The following CALN1 variants were observed in gnomAD, a reference collection of about 807,000 sequenced individuals.
CALN1 encodes the protein calneuron 1, also known as calcium-binding protein 8.
In CALN1, 17 loss-of-function variants were observed where a neutral mutation model predicts 30.6. The observed-to-expected ratio is 0.56, with a 90% CI of 0.38 to 0.83. The LOEUF is 0.83. Ranked by LOEUF, CALN1 falls within the 40% of genes least tolerant of loss-of-function variation. The pLI is 0.00. For missense variants in CALN1, 291 were observed against 354.9 expected, an observed-to-expected ratio of 0.82 and a Z score of 1.45; for synonymous variants, 156 against 131.4, an observed-to-expected ratio of 1.19 and a Z score of -1.28.
intron 4 of CALN1, among the ~76,000 whole-genome samples, chr7:72,105,518 T>C (rs1219054803): frequency 6.6e-6 from 1 of 151,872 alleles, no homozygotes; most frequent in Non-Finnish European, 1.5e-5. Flanking sequence ...TCTGGAGCTC[T>C]GGACCAAGAC....
intron 3 of CALN1, among the ~76,000 whole-genome samples, chr7:72,156,198 C>G (rs1414621790): frequency 6.6e-6 from 1 of 152,110 alleles, no homozygotes; most frequent in Non-Finnish European, 1.5e-5. Flanking sequence ...CCATCAGGGT[C>G]CAGCAATGGA....
At chr7:71,844,056 G>A (rs1490369457) in intron 5 of CALN1, among the ~76,000 whole-genome samples, 1 of 152,162 alleles carries the variant, frequency 6.6e-6, no homozygotes, top group African/African-American at 2.4e-5. Context: ...GGACCCTGGA[G>A]TTGGGACAGT....
intron 5 of CALN1, among the ~76,000 whole-genome samples, chr7:71,988,318 A>G (rs987439125): frequency 1.3e-5 from 2 of 152,216 alleles, no homozygotes; most frequent in African/African-American, 4.8e-5. Flanking sequence ...ACTCAGAAGC[A>G]GCCAGTTGGC....
intron 3 of CALN1, among the ~76,000 whole-genome samples, chr7:72,196,353 A>T (rs1791000764): frequency 1.3e-5 from 2 of 152,176 alleles, no homozygotes; most frequent in African/African-American, 4.8e-5. Flanking sequence ...TCCTGAGCTC[A>T]AGCAACCCAC....
At chr7:72,008,478 A>T (rs866921574) in intron 5 of CALN1, among the ~76,000 whole-genome samples, 1 of 151,974 alleles carries the variant, frequency 6.6e-6, no homozygotes, top group African/African-American at 2.4e-5. Flanking sequence ...ATGATAATAA[A>T]TGATCAGAAC....
At chr7:72,319,085 A>G (rs540059919) in intron 2 of CALN1, among the ~76,000 whole-genome samples, 1 of 152,196 alleles carries the variant, frequency 6.6e-6, no homozygotes, top group Non-Finnish European at 1.5e-5. Flanking sequence ...CTGCACCCAT[A>G]TGTTTATCCA....
rs145192750 is a variant in CALN1, at chr7:72,122,467, TGGC to T, written c.245-16176_245-16174del. ...AGAAGCTACATTTGGCTGGGCATGGTGGCTCACACCTGTAATCCCAGTGATTTG... is the reference window on the plus strand; with the variant it reads ...AGAAGCTACATTTGGCTGGGCATGGTTCACACCTGTAATCCCAGTGATTTG... On this transcript the variant is annotated intron_variant, in intron 3 of 6. Transcript: ENST00000395275. 6.9e-3 allele frequency among the ~76,000 whole-genome samples: 1,043 copies of T among 152,258 alleles called. 13 individuals are homozygous for T. Among genetic ancestry groups the T allele is most frequent in the African/African-American group, 0.023 (960 of 41,550 alleles).
intron 4 of CALN1, among the ~76,000 whole-genome samples, chr7:72,046,570 G>A (rs981872195): frequency 2.0e-5 from 3 of 151,746 alleles, no homozygotes; most frequent in African/African-American, 7.3e-5. Context: ...AAATTAGCTG[G>A]GTGTTGGCAG....
At chr7:72,075,208 C>T (rs912070418) in intron 4 of CALN1, among the ~76,000 whole-genome samples, 5 of 152,168 alleles carry the variant, frequency 3.3e-5, no homozygotes, top group Admixed American at 2.6e-4. Flanking sequence ...AAGATGAGGC[C>T]CACCCACTAG....
At chr7:72,239,356 A>G (rs893040147) in intron 3 of CALN1, among the ~76,000 whole-genome samples, 2 of 152,114 alleles carry the variant, frequency 1.3e-5, no homozygotes, top group African/African-American at 4.8e-5. Context: ...TGATTGCACC[A>G]CCGCACTCCA....
intron 2 of CALN1, among the ~76,000 whole-genome samples, chr7:72,284,666 T>G (rs77966959): frequency 8.5e-5 from 13 of 152,330 alleles, no homozygotes; most frequent in African/African-American, 3.1e-4. Context: ...CTTTTCACTA[T>G]CTGATTCTCA....
chr7:71,866,432 T>C (rs1791592395), intron 5 of CALN1, among the ~76,000 whole-genome samples: 1 of 152,162 alleles, frequency 6.6e-6, no homozygotes, highest in Non-Finnish European at 1.5e-5. Flanking sequence ...ATAGATCTTA[T>C]AGACATTTCC....
At chr7:72,376,136 T>G (rs1194085544) in intron 2 of CALN1, among the ~76,000 whole-genome samples, 3 of 152,070 alleles carry the variant, frequency 2.0e-5, no homozygotes, top group African/African-American at 7.2e-5. Context: ...GTTTATCCAT[T>G]CATCAGTTGA....
At chr7:72,111,337 G>C (rs932701285) in intron 3 of CALN1, among the ~76,000 whole-genome samples, 1 of 152,220 alleles carries the variant, frequency 6.6e-6, no homozygotes, top group Non-Finnish European at 1.5e-5. Flanking sequence ...CAAAGTTGGC[G>C]TTCCCACAGG....
chr7:72,269,058 C>A (rs1003984621), intron 3 of CALN1, among the ~76,000 whole-genome samples: 2 of 152,236 alleles, frequency 1.3e-5, no homozygotes, highest in East Asian at 1.9e-4. Context: ...TTCCCAACCA[C>A]AATTCACGTA....
intron 2 of CALN1, among the ~76,000 whole-genome samples, chr7:72,316,004 A>AT (rs1452931190): frequency 6.6e-6 from 1 of 151,924 alleles, no homozygotes; most frequent in Non-Finnish European, 1.5e-5. Context: ...TACAAAAACT[A>AT]GCCAGGCATG....
At position 72,388,904 on chromosome 7, in the gene CALN1, C is replaced by T. The variant is rs116577800; in HGVS notation, c.119+14347G>A. 8.1e-3 allele frequency among the ~76,000 whole-genome samples: 1,235 copies of T among 152,264 alleles called. 20 individuals carry two copies. The highest frequency in any genetic ancestry group is 0.028 in the African/African-American group (1,183 of 41,548). On this transcript the variant is annotated intron_variant, in intron 2 of 6. Transcript: ENST00000395275. ...ATGCTTTCAGGATTCCTGGTATCTGCCCTGAGTGTTTGGGCTTCCTCTCAG... is the reference window on the plus strand; with the variant it reads ...ATGCTTTCAGGATTCCTGGTATCTGTCCTGAGTGTTTGGGCTTCCTCTCAG...
chr7:72,353,813 G>T (rs898033250), intron 2 of CALN1, among the ~76,000 whole-genome samples: 27 of 152,140 alleles, frequency 1.8e-4, no homozygotes, highest in African/African-American at 6.3e-4. Context: ...AAGGGTATTT[G>T]AATGAAAGTG....
In CALN1 at chr7:72,331,621, T is replaced by C. The variant is rs184186906; in HGVS notation, c.120-52811A>G. On this transcript the variant is annotated intron_variant, in intron 2 of 6. Coordinates refer to ENST00000395275, the MANE Select transcript of CALN1 (RefSeq NM_031468.4). ...CAGGGGTGTGAGACAGCAACTTTTT[T>C]TTCTAATAGTCACAGAATATCTATT... 4.2e-3 allele frequency among the ~76,000 whole-genome samples: 633 copies of C among 152,336 alleles called. 8 individuals are homozygous for C. The highest frequency in any genetic ancestry group is 0.014 in the Admixed American group (211 of 15,304).
Sources: gnomAD v4.1 joint callset for allele counts (sites outside exome capture counted in the v4.1 genomes callset) on GRCh38, gnomAD v4.1.1 for gene constraint, MANE v1.5 for transcripts, NCBI Gene and HGNC (gene_info 2026-07-23, HGNC 2026-07-21) for gene names.